The following BAZ2B variants were observed in gnomAD, a reference collection of about 807,000 sequenced individuals.
BAZ2B encodes bromodomain adjacent to zinc finger domain 2B.
Under a neutral mutation model 246.0 loss-of-function variants are expected in BAZ2B, and 91 were observed. The observed-to-expected ratio is 0.37, with a 90% CI of 0.31 to 0.44. The LOEUF (loss-of-function observed/expected upper bound fraction) is 0.44. Among genes scored for constraint, BAZ2B ranks in the 20% least tolerant of loss-of-function variants. The probability of loss-of-function intolerance (pLI) is 1.00; values close to 1 mark genes in which losing one functional copy is unlikely to be tolerated. For synonymous variants in BAZ2B, 855 were observed against 860.0 expected (o/e 0.99, Z 0.10); for missense variants, 2,332 against 2,533.7 (o/e 0.92, Z 1.71).
intron 3 of BAZ2B, chr2:159,462,769 C>T (rs2076570187): frequency 7.0e-7 from 1 of 1,418,884 alleles, no homozygotes; most frequent in Non-Finnish European, 1.0e-6. Context: ...TAGGCTGACA[C>T]TCATGGCTTT....
At chr2:159,533,778 T>C (rs140512931) in intron 2 of BAZ2B, among the ~76,000 whole-genome samples, 1 of 152,326 alleles carries the variant, frequency 6.6e-6, no homozygotes, top group East Asian at 1.9e-4. Context: ...AAATATCCTT[T>C]ATGAGCAACT....
At chr2:159,377,766 G>A (rs957329244) in intron 25 of BAZ2B, among the ~76,000 whole-genome samples, 1 of 143,648 alleles carries the variant, frequency 7.0e-6, no homozygotes, top group African/African-American at 2.7e-5. Flanking sequence ...GAGCTGAGAT[G>A]GTGCCCCTGC....
intron 2 of BAZ2B, among the ~76,000 whole-genome samples, chr2:159,518,959 G>T (rs2083738584): frequency 6.6e-6 from 1 of 152,184 alleles, no homozygotes; most frequent in Non-Finnish European, 1.5e-5. Flanking sequence ...TTTCAAAAAT[G>T]CAACACTGGA....
intron 1 of BAZ2B, among the ~76,000 whole-genome samples, chr2:159,597,732 A>C (rs777633719): frequency 3.3e-5 from 5 of 152,132 alleles, no homozygotes; most frequent in Non-Finnish European, 7.4e-5. Context: ...ATGGGATTAC[A>C]GGAGTGAGCC....
intron 5 of BAZ2B, 64 bp downstream of exon 5, chr2:159,448,178 A>C: frequency 6.4e-7 from 1 of 1,551,888 alleles, no homozygotes; most frequent in East Asian, 2.3e-5. Context: ...ATTAAACCTG[A>C]ACATTATGAA....
chr2:159,410,019 A>C (rs918468041), intron 14 of BAZ2B, among the ~76,000 whole-genome samples: 1 of 152,216 alleles, frequency 6.6e-6, no homozygotes, highest in African/African-American at 2.4e-5. Context: ...TCTAAATTTA[A>C]ATTTGCTATT....
chr2:159,635,286 C>T, the BAZ2B span, among the ~76,000 whole-genome samples: 2 of 152,034 alleles, frequency 1.3e-5, no homozygotes, highest in Non-Finnish European at 2.9e-5. Context: ...TAATTCTTCA[C>T]TTTTCAGCTT....
chr2:159,695,928 TTTTG>T, the BAZ2B span, among the ~76,000 whole-genome samples: 44 of 151,866 alleles, frequency 2.9e-4, no homozygotes, highest in Middle Eastern at 3.4e-3. Flanking sequence ...GGCTGAGTCC[TTTTG>T]TTTGTTTTAG....
At chr2:159,420,828 AT>A (rs2150045032) in intron 13 of BAZ2B, among the ~76,000 whole-genome samples, 1 of 152,322 alleles carries the variant, frequency 6.6e-6, no homozygotes, top group Non-Finnish European at 1.5e-5. Context: ...AATGCCATTT[AT>A]TCAACAATTT....
intron 3 of BAZ2B, among the ~76,000 whole-genome samples, chr2:159,468,823 TCA>T (rs774597876): frequency 3.5e-4 from 53 of 152,120 alleles, no homozygotes; most frequent in Admixed American, 7.9e-4. Context: ...GGCGGGTGGT[TCA>T]CAAGTTCAGG....
intron 2 of BAZ2B, among the ~76,000 whole-genome samples, chr2:159,513,295 T>C (rs2083111379): frequency 6.6e-6 from 1 of 152,240 alleles, no homozygotes; most frequent in Non-Finnish European, 1.5e-5. Context: ...GTTACTTTCA[T>C]TAGTAAATAT....
intron 1 of BAZ2B, among the ~76,000 whole-genome samples, chr2:159,570,001 C>T (rs1683567242): frequency 6.6e-6 from 1 of 152,052 alleles, no homozygotes; most frequent in South Asian, 2.1e-4. Flanking sequence ...AGTACGTTTT[C>T]AATATACATG....
At chr2:159,569,273 A>G (rs1008691360) in intron 1 of BAZ2B, among the ~76,000 whole-genome samples, 8 of 152,104 alleles carry the variant, frequency 5.3e-5, no homozygotes, top group Non-Finnish European at 1.0e-4. Flanking sequence ...GGCTACCCAC[A>G]GTCTCTGAAA....
chr2:159,514,109 GCTC>G (rs2083199237), intron 2 of BAZ2B, among the ~76,000 whole-genome samples: 1 of 151,924 alleles, frequency 6.6e-6, no homozygotes, highest in Admixed American at 6.6e-5. Context: ...TTCACATCCT[GCTC>G]CTTTTTCTTT....
chr2:159,459,541 G>A (rs1164617034), intron 3 of BAZ2B: 3 of 152,094 alleles, frequency 2.0e-5, no homozygotes, highest in African/African-American at 7.2e-5. Flanking sequence ...TGGCTCCATT[G>A]CCAGGACAAT....
intron 16 of BAZ2B, among the ~76,000 whole-genome samples, chr2:159,403,510 T>C (rs1012535952): frequency 4.3e-4 from 66 of 152,232 alleles, no homozygotes; most frequent in African/African-American, 1.5e-3. Flanking sequence ...TCAATAAAAG[T>C]ATAACAGAAA....
rs1453728052 is a variant in BAZ2B, at chr2:159,432,878, T to C, written c.1779A>G (p.Gly593=). Reference sequence around the variant, plus strand: ...TACTACTGGGAATGTCTGAATCTGTTCCTCTGAATTGTTCCACTAAAGATT... The same window carrying C: ...TACTACTGGGAATGTCTGAATCTGTCCCTCTGAATTGTTCCACTAAAGATT... ...PAKSLVEQFR[G]TDSDIPSSKD... is the part of the protein sequence containing the mutation. The change falls in exon 9 of 37, where the codon GGA becomes GGG. Residue 593 remains glycine (G), a synonymous_variant. Transcript: ENST00000392783. The C allele has an allele frequency of 6.2e-7, 1 of 1,614,180 alleles. No homozygotes were observed. The highest frequency in any genetic ancestry group is 1.1e-5 in the South Asian group (1 of 91,082).
At chr2:159,412,204 A>C (rs1216738325) in intron 14 of BAZ2B, 131 bp downstream of exon 14, 20 of 1,011,302 alleles carry the variant, frequency 2.0e-5, no homozygotes, top group Non-Finnish European at 2.8e-5. Flanking sequence ...TTATTTTTTC[A>C]TTTTATTCTA....
chr2:159,536,365 T>C (rs569815199), intron 2 of BAZ2B: 3 of 152,334 alleles, frequency 2.0e-5, no homozygotes, highest in East Asian at 3.9e-4. Context: ...ATACTTTAAA[T>C]GGAAAATTTT....
Sources: allele counts gnomAD v4.1 joint callset (sites outside exome capture counted in the v4.1 genomes callset), GRCh38; gene constraint gnomAD v4.1.1; transcripts MANE v1.5; gene names NCBI Gene and HGNC (gene_info 2026-07-23, HGNC 2026-07-21).